CUX2: variants seen among roughly 807,000 people sequenced by gnomAD.
The protein encoded by CUX2 is cut like homeobox 2.
Under a neutral mutation model 144.8 loss-of-function variants are expected in CUX2, and 40 were observed. That is an observed-to-expected ratio of 0.28 (90% CI 0.21 to 0.36). The LOEUF (loss-of-function observed/expected upper bound fraction) is 0.36. Ranked by LOEUF, CUX2 falls within the 10% of genes least tolerant of loss-of-function variation. CUX2 has a pLI of 1.00. For missense variants in CUX2, 1,615 were observed against 1,994.0 expected (o/e 0.81, Z 3.62); for synonymous variants, 827 against 875.6 (o/e 0.94, Z 0.98).
At chr12:111,297,855 G>A (rs1379199322) in intron 8 of CUX2, among the ~76,000 whole-genome samples, 7 of 152,142 alleles carry the variant, frequency 4.6e-5, no homozygotes, top group Admixed American at 4.6e-4. Context: ...GCTACAAAGG[G>A]AAGAACTGGG....
intron 20 of CUX2, among the ~76,000 whole-genome samples, chr12:111,340,099 G>A (rs1174126367): frequency 6.6e-6 from 1 of 152,200 alleles, no homozygotes; most frequent in African/African-American, 2.4e-5. Flanking sequence ...GGGAGGCTGA[G>A]GCAGGAGAAC....
chr12:111,294,585 CA>C (rs35222521), intron 6 of CUX2, among the ~76,000 whole-genome samples: 10,258 of 99,886 alleles, frequency 0.1, 755 homozygotes, highest in African/African-American at 0.23. Flanking sequence ...CCTATCTTTT[CA>C]AAAAAAAAAA....
intron 1 of CUX2, among the ~76,000 whole-genome samples, chr12:111,105,376 T>C (rs1873533517): frequency 6.6e-6 from 1 of 152,234 alleles, no homozygotes; most frequent in African/African-American, 2.4e-5. Flanking sequence ...GCAATGGCTA[T>C]TGATTTCTGT....
intron 1 of CUX2, among the ~76,000 whole-genome samples, chr12:111,136,039 T>C (rs1433943493): frequency 2.0e-5 from 3 of 152,112 alleles, no homozygotes; most frequent in Non-Finnish European, 4.4e-5. Flanking sequence ...GGGTGAGGAC[T>C]TCAGCCTTTG....
intron 3 of CUX2, among the ~76,000 whole-genome samples, chr12:111,248,961 A>C (rs571671961): frequency 1.2e-4 from 19 of 152,368 alleles, no homozygotes; most frequent in Non-Finnish European, 2.1e-4. Flanking sequence ...AACTTGATGA[A>C]TTTTGACAGC....
At chr12:111,238,334 A>C (rs1882862758) in intron 3 of CUX2, among the ~76,000 whole-genome samples, 1 of 152,244 alleles carries the variant, frequency 6.6e-6, no homozygotes. Context: ...ACAGGTGCTG[A>C]GTAAATAGTT....
chr12:111,133,610 A>C (rs1292985425), intron 1 of CUX2, among the ~76,000 whole-genome samples: 1 of 152,130 alleles, frequency 6.6e-6, no homozygotes, highest in Admixed American at 6.5e-5. Context: ...GATAAAATTC[A>C]AGTTGAGATT....
intron 1 of CUX2, among the ~76,000 whole-genome samples, chr12:111,084,641 A>G (rs1872092857): frequency 6.6e-6 from 1 of 152,226 alleles, no homozygotes; most frequent in African/African-American, 2.4e-5. Context: ...TTGATTATAT[A>G]GCATTTTAAA....
In CUX2 at chr12:111,034,272, T is replaced by A; in HGVS notation, c.63+32T>A. The stretch of plus-strand genomic sequence containing the variant: ...GCGGGCAGCGCCGGCCGCGCGGCCG[T>A]GAGGAGCCCCCGGGCGCGCCCTGGG... On this transcript the variant is annotated intron_variant, in intron 1 of 21. Coordinates refer to ENST00000261726, the MANE Select transcript of CUX2 (RefSeq NM_015267.4). The surrounding 1 kb of genome is among the most constrained non-coding windows in gnomAD (Gnocchi z 4.2). 1 of 1,283,892 alleles carries A rather than the reference T, an allele frequency of 7.8e-7. No homozygotes were observed. Among genetic ancestry groups the A allele is most frequent in the Non-Finnish European group, 1.0e-6 (1 of 980,558 alleles). The allele number at this position is 1,283,892 out of a possible 1,614,324, so 79.5% of individuals were successfully genotyped here. A position where few individuals can be genotyped will look rare whatever the true frequency, so the allele number is the denominator to read the frequency against.
chr12:111,041,420 T>G (rs1476036758), intron 1 of CUX2, among the ~76,000 whole-genome samples: 3 of 152,104 alleles, frequency 2.0e-5, no homozygotes, highest in Admixed American at 1.3e-4. Flanking sequence ...CTCTTCTCTC[T>G]TACTCCTTTG....
At chr12:111,204,950 C>T (rs1317058940) in intron 1 of CUX2, among the ~76,000 whole-genome samples, 1 of 152,126 alleles carries the variant, frequency 6.6e-6, no homozygotes, top group South Asian at 2.1e-4. Flanking sequence ...TGATAGAACG[C>T]GGGGAAGCCA....
At chr12:111,060,225 C>T (rs1870704545) in intron 1 of CUX2, among the ~76,000 whole-genome samples, 1 of 152,184 alleles carries the variant, frequency 6.6e-6, no homozygotes. Flanking sequence ...CCAATCCCAC[C>T]ATGTCATCTC....
Position 111,310,385 on chromosome 12 carries a change from C to T in CUX2, c.1603C>T (p.Pro535Ser), listed in dbSNP as rs1365473132. 2 of 1,603,288 alleles carry T rather than the reference C, an allele frequency of 1.2e-6. No homozygotes were observed. The highest frequency in any genetic ancestry group is 2.7e-5 in the African/African-American group (2 of 74,790). ...CCCTGAGCCACTGGGCGGTCCTGAG[C>T]CCGCGGATGGTGGTGGGGGCGGAGC... is the stretch of plus-strand genomic sequence containing the variant. ...PGPEPLGGPEPADGGGGGAAG... is the reference protein window; with the variant it reads ...PGPEPLGGPESADGGGGGAAG... Residue 535 changes from proline to serine, a missense_variant, in exon 15 of 22, where the codon CCC becomes TCC. Pro to Ser is a moderately conservative substitution (Grantham distance 74). Around this residue, in one of 12 missense-constraint regions of CUX2, gnomAD observed 154 missense variants for 148.4 expected, o/e 1.04. Transcript: ENST00000261726. The surrounding 1 kb of genome is among the most constrained non-coding windows in gnomAD (Gnocchi z 7.9).
At chr12:111,336,627 T>C (rs547955691) in intron 19 of CUX2, among the ~76,000 whole-genome samples, 1 of 151,946 alleles carries the variant, frequency 6.6e-6, no homozygotes, top group African/African-American at 2.4e-5. Flanking sequence ...TTTTTATTTT[T>C]AGTAGAGACA....
At chr12:111,040,756 G>T (rs1049044918) in intron 1 of CUX2, among the ~76,000 whole-genome samples, 1 of 152,146 alleles carries the variant, frequency 6.6e-6, no homozygotes, top group Non-Finnish European at 1.5e-5. Flanking sequence ...TATAGAGTTG[G>T]ATAATAATAC....
intron 1 of CUX2, among the ~76,000 whole-genome samples, chr12:111,052,067 C>T (rs1046440351): frequency 6.6e-6 from 1 of 152,054 alleles, no homozygotes; most frequent in East Asian, 1.9e-4. Flanking sequence ...TCCCTATGCT[C>T]GCCATGTTCC....
Position 111,037,124 on chromosome 12 carries a change from G to T in CUX2, c.63+2884G>T, listed in dbSNP as rs980256481. ...TTCTGAGATCCAGGTAGGAGAGGCA[G>T]GTCCCCGTGCCCAGCCCCAGGCAGC... On this transcript the variant is annotated intron_variant, in intron 1 of 21. Transcript: ENST00000261726. This position sits in a 1 kb window ranked among gnomAD's most constrained non-coding sequence, Gnocchi z 5.4. Among the ~76,000 whole-genome samples the T allele has an allele frequency of 3.9e-5, 6 of 152,184 alleles. No homozygotes were observed. Among genetic ancestry groups the T allele is most frequent in the African/African-American group, 1.4e-4 (6 of 41,438 alleles).
chr12:111,315,425 GA>G (rs1299868093), intron 16 of CUX2, among the ~76,000 whole-genome samples: 1 of 152,104 alleles, frequency 6.6e-6, no homozygotes, highest in Non-Finnish European at 1.5e-5. Flanking sequence ...TTAATGATAA[GA>G]AAAAATGGGG....
chr12:111,314,917 G>A (rs368395373), intron 16 of CUX2, among the ~76,000 whole-genome samples: 3 of 151,912 alleles, frequency 2.0e-5, no homozygotes, highest in African/African-American at 7.3e-5. Context: ...GGCTAGGGAG[G>A]GAAGACATGA....
Sources: allele counts gnomAD v4.1 joint callset (sites outside exome capture counted in the v4.1 genomes callset), GRCh38; gene constraint gnomAD v4.1.1; regional missense constraint gnomAD v4.1.1; non-coding constraint Gnocchi (gnomAD v3.1); transcripts MANE v1.5; gene names NCBI Gene and HGNC (gene_info 2026-07-23, HGNC 2026-07-21).